COQ6: variants seen among roughly 807,000 people sequenced by gnomAD.
The protein encoded by COQ6 is coenzyme Q6, monooxygenase.
A neutral mutation model predicts 55.5 loss-of-function variants in COQ6; 45 were observed. That is an observed-to-expected ratio of 0.81 (90% CI 0.64 to 1.04). COQ6 has a LOEUF of 1.04. Among genes scored for constraint, COQ6 ranks in the 50% least tolerant of loss-of-function variants. The probability of loss-of-function intolerance (pLI) is 0.00; values close to 1 mark genes in which losing one functional copy is unlikely to be tolerated. For missense variants in COQ6, 550 were observed against 601.3 expected (o/e 0.91, Z 0.89); for synonymous variants, 206 against 230.5 (o/e 0.89, Z 0.96).
chr14:73,950,281 C>T (rs1164638342), upstream of COQ6: 7 of 1,540,258 alleles, frequency 4.5e-6, no homozygotes, highest in Admixed American at 1.4e-4. Context: ...TCCGGACGCA[C>T]TACGTAGGTG....
intron 5 of COQ6, chr14:73,958,672 G>A: frequency 5.3e-6 from 7 of 1,324,936 alleles, no homozygotes; most frequent in Non-Finnish European, 5.8e-6. Flanking sequence ...TTCAGCTCCA[G>A]TGTGTGCCCC....
chr14:73,957,157 G>A (rs2056477138), intron 4 of COQ6, among the ~76,000 whole-genome samples: 1 of 151,778 alleles, frequency 6.6e-6, no homozygotes, highest in African/African-American at 2.4e-5. Context: ...GAGTGCAGTG[G>A]CACAGTCTCG....
chr14:73,959,512 ACT>A lies in COQ6; in HGVS notation c.884_885del (p.Ser295CysfsTer5), dbSNP rs1566689928. On this transcript the variant is annotated frameshift_variant, in exon 8 of 12. Coordinates refer to ENST00000334571, the MANE Select transcript of COQ6 (RefSeq NM_182476.3). LOFTEE classifies it high-confidence loss of function. ...GAGGAAAAATTTGTGGATGCCGTTA[ACT>A]CTGCCTTTGTGAGTATCAATTTACC... 1 of 1,613,938 alleles carries A rather than the reference ACT, an allele frequency of 6.2e-7. No individual in the cohort carries two copies. The highest frequency in any genetic ancestry group is 1.1e-5 in the South Asian group (1 of 91,064).
In COQ6 at chr14:73,958,977, G is replaced by A; in HGVS notation, c.619G>A (p.Ala207Thr). The change falls in exon 6 of 12, where the codon GCA becomes ACA. Residue 207 changes from alanine to threonine, a missense_variant. By Grantham distance (58) the Ala-to-Thr change is moderately conservative (BLOSUM62 0). Transcript: ENST00000334571. ...GGCTCATGTGTCCATGCAGATAGGT[G>A]CAGATGGTCACAACTCCGGAGTACG... The part of the protein sequence containing the change: ...STFQTKLLIG[A>T]DGHNSGVRQA... The A allele has an allele frequency of 1.9e-6, 3 of 1,613,872 alleles. No homozygotes were observed. The highest frequency in any genetic ancestry group is 1.3e-5 in the African/African-American group (1 of 75,052).
chr14:73,954,843 C>CAAAA (rs1216623718), intron 2 of COQ6, among the ~76,000 whole-genome samples: 18 of 56,310 alleles, frequency 3.2e-4, no homozygotes, highest in African/African-American at 1.2e-3. Flanking sequence ...GATTCCGTCT[C>CAAAA]AAAAAAAAAA....
chr14:73,959,004 C>G lies in COQ6; in HGVS notation c.646C>G (p.Gln216Glu). ...GADGHNSGVR[Q>E]AVGIQNVSWN... ...AGATGGTCACAACTCCGGAGTACGGCAGGCTGTTGGAATCCAGAATGTGAG... is the reference window on the plus strand; with the variant it reads ...AGATGGTCACAACTCCGGAGTACGGGAGGCTGTTGGAATCCAGAATGTGAG... The change falls in exon 6 of 12, where the codon CAG (glutamine) becomes GAG (glutamate). Residue 216 changes from glutamine (Q) to glutamate (E), a missense_variant. Gln to Glu is a conservative substitution (Grantham distance 29). Coordinates refer to ENST00000334571, the MANE Select transcript of COQ6 (RefSeq NM_182476.3). 6.2e-7 allele frequency: 1 copy of G among 1,614,146 alleles called. No homozygotes were observed. The highest frequency in any genetic ancestry group is 8.5e-7 in the Non-Finnish European group (1 of 1,180,040).
At chr14:73,954,962 T>A (rs1207210737) in intron 2 of COQ6, among the ~76,000 whole-genome samples, 72 of 145,452 alleles carry the variant, frequency 5.0e-4, no homozygotes, top group Non-Finnish European at 8.5e-4. Context: ...TTATTTTTTT[T>A]TTTTTTTGAG....
At chr14:73,956,765 T>C (rs1446413014) in intron 4 of COQ6, 1 of 152,196 alleles carries the variant, frequency 6.6e-6, no homozygotes, top group Non-Finnish European at 1.5e-5. Context: ...TTATCAGTTA[T>C]GCGGCTTGCA....
intron 1 of COQ6, chr14:73,950,698 G>T: frequency 1.4e-6 from 1 of 718,204 alleles, no homozygotes; most frequent in Non-Finnish European, 2.2e-6. Flanking sequence ...TGGGAGGGGC[G>T]TTCAGAGTCT....
chr14:73,950,342 C>T lies in COQ6; in HGVS notation c.10C>T (p.Arg4Trp), dbSNP rs747942464. 7.1e-6 allele frequency: 11 copies of T among 1,552,390 alleles called. No individual in the cohort carries two copies. In the East Asian group the frequency reaches 9.7e-5, roughly 14 times the overall value. MAA[R>W]LVSRCGAVRA... ...GGCGCAGGTCTGCACCATGGCGGCC[C>T]GGCTTGTCAGCCGATGCGGGGCTGT... The change falls in exon 1 of 12, where the codon CGG (arginine) becomes TGG (tryptophan). Residue 4 changes from arginine to tryptophan, a missense_variant. Arg to Trp is a moderately radical substitution (Grantham distance 101, BLOSUM62 -3). Coordinates refer to ENST00000334571, the MANE Select transcript of COQ6 (RefSeq NM_182476.3).
chr14:73,950,806 T>TTA (rs1446660678), intron 1 of COQ6, among the ~76,000 whole-genome samples: 1 of 152,234 alleles, frequency 6.6e-6, no homozygotes, highest in Non-Finnish European at 1.5e-5. Context: ...GTCTTTTTGT[T>TTA]TATAGACATT....
At position 73,961,583 on chromosome 14, in the gene COQ6, A is replaced by C. The variant is rs7141392; in HGVS notation, c.1210+13A>C. The C allele has an allele frequency of 3.7e-6, 6 of 1,613,618 alleles. No homozygotes were observed. In the South Asian group the frequency reaches 6.6e-5, roughly 18 times the overall value. On this transcript the variant is annotated intron_variant, in intron 10 of 11. Transcript: ENST00000334571. ...GGGAAGGACTTAGGTAAGGATTCAG[A>C]TACTATGGGGAAGTATCCAGAGGTC... is the stretch of plus-strand genomic sequence containing the variant.
At position 73,950,391 on chromosome 14, in the gene COQ6, C is replaced by A. The variant is rs540955154; in HGVS notation, c.59C>A (p.Pro20Gln). The change falls in exon 1 of 12, where the codon CCG (proline) becomes CAG (glutamine). Residue 20 changes from proline (P) to glutamine (Q), a missense_variant. Physicochemically the swap from Pro to Gln is moderately conservative, Grantham distance 76. Transcript: ENST00000334571. The part of the protein sequence containing the change: ...GAVRAAPHSG[P>Q]LVSWRRWSGA... ...GTGCGTGCAGCTCCCCACAGCGGCC[C>A]GCTGGTGTCCTGGCGCAGGTGGTCC... 8 of 1,577,748 alleles carry A rather than the reference C, an allele frequency of 5.1e-6. No homozygotes were observed. The African/African-American group carries it at 1.1e-4, about 21-fold the overall frequency.
chr14:73,963,063 A>G lies in COQ6; in HGVS notation c.*64A>G. 8.0e-7 allele frequency: 1 copy of G among 1,249,050 alleles called. No individual in the cohort carries two copies. Among genetic ancestry groups the G allele is most frequent in the Non-Finnish European group, 1.2e-6 (1 of 848,100 alleles). 77.4% of individuals were successfully genotyped at this position (1,249,050 alleles called of 1,614,324 possible). On this transcript the variant is annotated 3_prime_UTR_variant, in exon 12 of 12. Transcript: ENST00000334571. ...GAACATCCTGCCCAGGACCCATCAT[A>G]CATATTTTCAAGATCTTATTTAATT...
At chr14:73,951,475 G>A (rs1021952565) in intron 1 of COQ6, among the ~76,000 whole-genome samples, 2 of 151,128 alleles carry the variant, frequency 1.3e-5, no homozygotes, top group Non-Finnish European at 2.9e-5. Context: ...TTACAGGCTT[G>A]TGCCACCATG....
chr14:73,955,687 C>T (rs985126379), intron 3 of COQ6, 118 bp from the exon 4 acceptor site: 60 of 1,508,348 alleles, frequency 4.0e-5, no homozygotes, highest in Non-Finnish European at 4.7e-5. Flanking sequence ...TATTTTCCTA[C>T]CAGAGAGGCT....
chr14:73,957,183 G>A (rs531864138), intron 4 of COQ6, among the ~76,000 whole-genome samples: 2 of 151,354 alleles, frequency 1.3e-5, no homozygotes, highest in African/African-American at 4.8e-5. Context: ...CTGCAAGCTC[G>A]GCCTCCCAGG....
chr14:73,959,208 C>T lies in COQ6; in HGVS notation c.767C>T (p.Pro256Leu). The change falls in exon 7 of 12, where the codon CCT (proline) becomes CTT (leucine). Residue 256 changes from proline to leucine, a missense_variant. Pro to Leu is a moderately conservative substitution (Grantham distance 98). Coordinates refer to ENST00000334571, the MANE Select transcript of COQ6 (RefSeq NM_182476.3). ...TGGCAGAGATTTCTTCCCTCTGGGC[C>T]TATTGCTCTGCTCCCGGTAAGAGGT... is the stretch of plus-strand genomic sequence containing the variant. ...VAWQRFLPSGPIALLPLSDTL... is the reference protein window; with the variant it reads ...VAWQRFLPSGLIALLPLSDTL... 6.2e-7 allele frequency: 1 copy of T among 1,614,236 alleles called. No individual in the cohort carries two copies. Among genetic ancestry groups the T allele is most frequent in the Non-Finnish European group, 8.5e-7 (1 of 1,180,034 alleles).
In COQ6 at chr14:73,955,888, C is replaced by T. The variant is rs780544618; in HGVS notation, c.441C>T (p.Val147=). Residue 147 remains valine, a synonymous_variant, in exon 4 of 12, where the codon GTC becomes GTT. Transcript: ENST00000334571. ...DDMGYIVEND[V]IMHALTKQLE... ...TGGGCTATATCGTGGAGAATGATGTCATCATGCATGCTCTCACTAAGCAGT... is the reference window on the plus strand; with the variant it reads ...TGGGCTATATCGTGGAGAATGATGTTATCATGCATGCTCTCACTAAGCAGT... The T allele has an allele frequency of 6.2e-7, 1 of 1,614,114 alleles. No individual in the cohort carries two copies. The highest frequency in any genetic ancestry group is 8.5e-7 in the Non-Finnish European group (1 of 1,180,034).
Sources: allele counts gnomAD v4.1 joint callset (sites outside exome capture counted in the v4.1 genomes callset), GRCh38; gene constraint gnomAD v4.1.1; transcripts MANE v1.5; gene names NCBI Gene and HGNC (gene_info 2026-07-23, HGNC 2026-07-21).